The following CLEC9A variants were observed in gnomAD, a reference collection of about 807,000 sequenced individuals.
CLEC9A encodes the protein C-type lectin domain family 9 member A.
A neutral mutation model predicts 30.0 loss-of-function variants in CLEC9A; 24 were observed. That is an observed-to-expected ratio of 0.80 (90% CI 0.58 to 1.13). CLEC9A has a LOEUF of 1.13. Among genes scored for constraint, CLEC9A ranks in the 50% most tolerant of loss-of-function variants. The pLI, the probability that CLEC9A is intolerant of heterozygous loss-of-function variation, is 0.00. For synonymous variants in CLEC9A, 111 were observed against 96.8 expected (o/e 1.15, Z -0.86); for missense variants, 251 against 280.9 (o/e 0.89, Z 0.76).
Position 10,065,530 on chromosome 12 carries a change from C to A in CLEC9A, c.624C>A (p.Asn208Lys), listed in dbSNP as rs115811505. ...CAGCAGAGAGATCCCAGTCAGCTAA[C>A]CAAGTCTGTGGATACGTGAAAAGCA... ...LLPAERSQSA[N>K]QVCGYVKSNS... Residue 208 changes from asparagine (N) to lysine (K), a missense_variant, in exon 9 of 9, where the codon AAC becomes AAA. Asn to Lys is a moderately conservative substitution (Grantham distance 94). Coordinates refer to ENST00000355819, the MANE Select transcript of CLEC9A (RefSeq NM_207345.4). 3 of 1,613,878 alleles carry A rather than the reference C, an allele frequency of 1.9e-6. No individual in the cohort carries two copies. The highest frequency in any genetic ancestry group is 4.5e-5 in the East Asian group (2 of 44,878).
chr12:10,054,473 C>G, intron 5 of CLEC9A, 122 bp downstream of exon 5: 1 of 644,506 alleles, frequency 1.6e-6, no homozygotes, highest in Non-Finnish European at 2.6e-6. Flanking sequence ...ATAATGGCCT[C>G]AAATTTCAAT....
chr12:10,043,163 T>C lies in CLEC9A; in HGVS notation c.-163+1543T>C, dbSNP rs75492191. ...ATAAAGCTTTGTCTTTATGTCATTA[T>C]CAACAGCTGTGGAGGGATTCTGACC... On this transcript the variant is annotated intron_variant, in intron 2 of 8. Transcript: ENST00000355819. 573 of 382,990 alleles carry C rather than the reference T, an allele frequency of 1.5e-3. 1 individual carries two copies. Among genetic ancestry groups the C allele is most frequent in the Non-Finnish European group, 1.9e-3 (371 of 193,184 alleles). 23.7% of individuals were successfully genotyped at this position (382,990 alleles called of 1,614,324 possible).
chr12:10,045,958 A>G (rs1865842344), intron 2 of CLEC9A, among the ~76,000 whole-genome samples: 1 of 152,232 alleles, frequency 6.6e-6, no homozygotes, highest in Non-Finnish European at 1.5e-5. Flanking sequence ...AATATAGATT[A>G]GTGCTTAATT....
intron 5 of CLEC9A, among the ~76,000 whole-genome samples, chr12:10,058,798 G>A (rs1394487967): frequency 6.6e-6 from 1 of 152,164 alleles, no homozygotes; most frequent in Non-Finnish European, 1.5e-5. Flanking sequence ...ACCCCCCTCA[G>A]CCTCCCAAAG....
intron 1 of CLEC9A, among the ~76,000 whole-genome samples, chr12:10,033,353 T>C (rs1384795230): frequency 6.6e-6 from 1 of 152,098 alleles, no homozygotes; most frequent in Non-Finnish European, 1.5e-5. Flanking sequence ...AATTAATCTC[T>C]TGTAACCTCA....
At chr12:10,043,745 G>C (rs865973893) in intron 2 of CLEC9A, among the ~76,000 whole-genome samples, 3 of 151,774 alleles carry the variant, frequency 2.0e-5, no homozygotes, top group African/African-American at 7.3e-5. Flanking sequence ...GCAGTGGTGC[G>C]ATCTTGGCTC....
At chr12:10,060,968 T>C in intron 5 of CLEC9A, 159 bp from the exon 6 acceptor site, 1 of 836,308 alleles carries the variant, frequency 1.2e-6, no homozygotes, top group Non-Finnish European at 1.7e-6. Context: ...TTGTAGTGTT[T>C]GATTCTTGTA....
chr12:10,044,972 A>G (rs909238307), intron 2 of CLEC9A, among the ~76,000 whole-genome samples: 3 of 152,238 alleles, frequency 2.0e-5, no homozygotes, highest in African/African-American at 7.2e-5. Flanking sequence ...GTTAACAGCC[A>G]TTACAATACA....
intron 5 of CLEC9A, 88 bp from the exon 6 acceptor site, chr12:10,061,039 A>G: frequency 7.1e-7 from 1 of 1,411,760 alleles, no homozygotes; most frequent in Non-Finnish European, 9.5e-7. Context: ...AAATAATAGT[A>G]ATTTGTACTT....
At chr12:10,057,725 A>G (rs996766248) in intron 5 of CLEC9A, among the ~76,000 whole-genome samples, 29 of 152,150 alleles carry the variant, frequency 1.9e-4, no homozygotes, top group African/African-American at 6.3e-4. Flanking sequence ...ATAGATATAA[A>G]CCAAATACTA....
At chr12:10,059,951 T>C (rs1865981915) in intron 5 of CLEC9A, among the ~76,000 whole-genome samples, 1 of 152,056 alleles carries the variant, frequency 6.6e-6, no homozygotes, top group African/African-American at 2.4e-5. Flanking sequence ...CAAGAAAAGA[T>C]GTTCAATGTC....
intron 3 of CLEC9A, 188 bp from the exon 4 acceptor site, chr12:10,052,442 G>T: frequency 1.8e-6 from 2 of 1,106,054 alleles, no homozygotes; most frequent in Non-Finnish European, 2.3e-6. Flanking sequence ...TTCTATCATT[G>T]GCCATTCTAA....
chr12:10,062,397 C>G (rs1038926072), intron 6 of CLEC9A, among the ~76,000 whole-genome samples: 3 of 152,188 alleles, frequency 2.0e-5, no homozygotes, highest in Non-Finnish European at 4.4e-5. Flanking sequence ...ACACATTTGA[C>G]CATCCTTCTT....
intron 1 of CLEC9A, among the ~76,000 whole-genome samples, chr12:10,039,655 CT>C (rs1219511482): frequency 1.3e-5 from 2 of 152,186 alleles, no homozygotes; most frequent in East Asian, 3.9e-4. Flanking sequence ...AAATATTGTG[CT>C]TTTTTCCTCC....
chr12:10,033,804 A>G (rs1565587029), intron 1 of CLEC9A, among the ~76,000 whole-genome samples: 2 of 152,104 alleles, frequency 1.3e-5, no homozygotes, highest in Admixed American at 1.3e-4. Flanking sequence ...TTCAGAGGAC[A>G]CTTTTAAAGT....
At chr12:10,040,824 T>C (rs1267411725) in intron 1 of CLEC9A, 2 of 167,970 alleles carry the variant, frequency 1.2e-5, no homozygotes, top group African/African-American at 4.8e-5. Context: ...TTACAAAATG[T>C]TATTATTTAT....
chr12:10,042,333 C>G (rs954461343), intron 2 of CLEC9A, among the ~76,000 whole-genome samples: 1 of 152,166 alleles, frequency 6.6e-6, no homozygotes, highest in Non-Finnish European at 1.5e-5. Flanking sequence ...CACAATAGCT[C>G]CTGTGGAATG....
chr12:10,043,881 A>G (rs1865821482), intron 2 of CLEC9A, among the ~76,000 whole-genome samples: 2 of 152,000 alleles, frequency 1.3e-5, no homozygotes, highest in Admixed American at 6.6e-5. Flanking sequence ...GGGTTTCAGC[A>G]TCTTGGCCAG....
At chr12:10,054,082 G>A (rs1183696200) in intron 4 of CLEC9A, among the ~76,000 whole-genome samples, 189 bp from the exon 5 acceptor site, 2 of 152,180 alleles carry the variant, frequency 1.3e-5, no homozygotes, top group East Asian at 3.8e-4. Flanking sequence ...TCCAAGTTAT[G>A]AGTTGTATTT....
Sources: allele counts gnomAD v4.1 joint callset (sites outside exome capture counted in the v4.1 genomes callset), GRCh38; gene constraint gnomAD v4.1.1; transcripts MANE v1.5; gene names NCBI Gene and HGNC (gene_info 2026-07-23, HGNC 2026-07-21).